Variants in VRK2 observed in about 807,000 individuals in gnomAD.
VRK2 encodes the protein serine/threonine-protein kinase VRK2.
Under a neutral mutation model 57.6 loss-of-function variants are expected in VRK2, and 60 were observed. The ratio of observed to expected loss-of-function variants is 1.04; its 90% CI spans 0.85 to 1.29. VRK2 has a LOEUF of 1.29. Among genes scored for constraint, VRK2 ranks in the 50% most tolerant of loss-of-function variants. VRK2 has a pLI of 0.00. For missense variants in VRK2, 705 were observed against 588.1 expected (o/e 1.20, Z -2.06); for synonymous variants, 231 against 199.2 (o/e 1.16, Z -1.35).
rs551735065 is a variant in VRK2 at position 57,994,245 on chromosome 2, C to G, written c.-438-31420C>G. On this transcript the variant is annotated intron_variant, in intron 1 of 15. Coordinates refer to the VRK2 transcript ENST00000417641. ...TAGCTTTCTGGGAAGAAAATAAAAT[C>G]TGTAACTTTGCCAGGAGAACAGCCT... Among the ~76,000 whole-genome samples the G allele has an allele frequency of 1.7e-4, 26 of 152,252 alleles. No individual in the cohort carries two copies. The South Asian group carries it at 5.0e-3, about 29-fold the overall frequency.
Position 58,084,171 on chromosome 2 carries a change from A to T in VRK2, c.186+33A>T, listed in dbSNP as rs369968720. On this transcript the variant is annotated intron_variant, in intron 3 of 12. Coordinates refer to ENST00000340157, the MANE Select transcript of VRK2 (RefSeq NM_006296.7). The stretch of plus-strand genomic sequence containing the variant: ...TTGCTCATAGATTTGTATTTCACAT[A>T]TATTTGACTTTTTCCTTTTCTGCTT... 18 of 1,565,446 alleles carry T rather than the reference A, an allele frequency of 1.1e-5. No individual in the cohort carries two copies. The African/African-American group carries it at 2.4e-4, about 21-fold the overall frequency.
chr2:57,983,904 T>C (rs1208489224), intron 1 of VRK2, among the ~76,000 whole-genome samples: 1 of 152,152 alleles, frequency 6.6e-6, no homozygotes, highest in Non-Finnish European at 1.5e-5. Context: ...CAATCAAAGA[T>C]AAAGTCATCA....
At chr2:57,977,072 T>C (rs972074298) in intron 1 of VRK2, among the ~76,000 whole-genome samples, 1 of 152,178 alleles carries the variant, frequency 6.6e-6, no homozygotes, top group Non-Finnish European at 1.5e-5. Flanking sequence ...CATTGGTCTA[T>C]ATGTCTGTTT....
intron 2 of VRK2, among the ~76,000 whole-genome samples, chr2:58,073,499 T>C (rs1184929277): frequency 6.6e-6 from 1 of 151,896 alleles, no homozygotes; most frequent in Non-Finnish European, 1.5e-5. Context: ...TGGTAGTATA[T>C]ACACACTAAG....
intron 2 of VRK2, among the ~76,000 whole-genome samples, chr2:58,060,131 A>G (rs1460140704): frequency 6.6e-6 from 1 of 151,822 alleles, no homozygotes; most frequent in Non-Finnish European, 1.5e-5. Context: ...AACAACAACA[A>G]CAAAAAAATC....
intron 1 of VRK2, among the ~76,000 whole-genome samples, chr2:57,987,064 A>T (rs1672618826): frequency 6.6e-6 from 1 of 152,356 alleles, no homozygotes; most frequent in African/African-American, 2.4e-5. Context: ...ATCCAAACGG[A>T]TGACAGACAT....
intron 1 of VRK2, among the ~76,000 whole-genome samples, chr2:57,910,783 A>G (rs957853202): frequency 6.6e-6 from 1 of 152,174 alleles, no homozygotes; most frequent in Non-Finnish European, 1.5e-5. Context: ...AGCCAATACT[A>G]CAGAAAAGGA....
At position 58,123,097 on chromosome 2, in the gene VRK2, C is replaced by T. The variant is rs1232807921; in HGVS notation, c.544-4C>T. Reference sequence around the variant, plus strand: ...TTATTCATTTGTCTGTGCTTGTCTTCCAGGTTTATCTTGCAGATTATGGAC... The same window carrying T: ...TTATTCATTTGTCTGTGCTTGTCTTTCAGGTTTATCTTGCAGATTATGGAC... On this transcript the variant is annotated splice_region_variant and splice_polypyrimidine_tract_variant and intron_variant, in intron 7 of 12. Coordinates refer to ENST00000340157, the MANE Select transcript of VRK2 (RefSeq NM_006296.7). 3 of 1,596,284 alleles carry T rather than the reference C, an allele frequency of 1.9e-6. No individual in the cohort carries two copies. Among genetic ancestry groups the T allele is most frequent in the Non-Finnish European group, 2.6e-6 (3 of 1,175,048 alleles).
chr2:58,064,460 A>G (rs908812099), intron 2 of VRK2, among the ~76,000 whole-genome samples: 2 of 152,094 alleles, frequency 1.3e-5, no homozygotes, highest in Non-Finnish European at 2.9e-5. Context: ...GATTGCTAAA[A>G]TTTTTTTAGC....
Position 58,086,416 on chromosome 2 carries a change from A to AAGGG in VRK2, c.336_339dup (p.Arg114GlyfsTer27). The AAGGG allele has an allele frequency of 6.3e-7, 1 of 1,591,888 alleles. No homozygotes were observed. The highest frequency in any genetic ancestry group is 8.5e-7 in the Non-Finnish European group (1 of 1,172,644). ...TTATGGATCTGGTCTGACTGAATTC[A>AAGGG]AGGGAAGAAGGTAAAATGGAATTAT... On this transcript the variant is annotated frameshift_variant, in exon 5 of 13. Transcript: ENST00000340157. LOFTEE classifies it high-confidence loss of function.
chr2:58,065,503 A>T (rs1050703904), intron 2 of VRK2, among the ~76,000 whole-genome samples: 1 of 152,092 alleles, frequency 6.6e-6, no homozygotes, highest in Non-Finnish European at 1.5e-5. Context: ...AATGTATCAC[A>T]GTTTGTGTAT....
intron 8 of VRK2, among the ~76,000 whole-genome samples, chr2:58,130,086 A>C (rs1050444576): frequency 2.6e-5 from 4 of 152,198 alleles, no homozygotes; most frequent in African/African-American, 9.6e-5. Context: ...GTCATTACTT[A>C]CAGCTTCATA....
intron 1 of VRK2, among the ~76,000 whole-genome samples, chr2:58,018,715 A>G (rs954352680): frequency 1.3e-5 from 2 of 152,220 alleles, no homozygotes; most frequent in African/African-American, 4.8e-5. Context: ...GTAGCGATAC[A>G]GTATGGCTAA....
At chr2:57,966,498 G>C (rs960890423) in intron 1 of VRK2, among the ~76,000 whole-genome samples, 57 of 152,242 alleles carry the variant, frequency 3.7e-4, no homozygotes, top group African/African-American at 1.3e-3. Context: ...CATATGTCCA[G>C]TTCCAAAATA....
chr2:58,093,264 G>A (rs1273426219), intron 7 of VRK2, among the ~76,000 whole-genome samples: 11 of 152,180 alleles, frequency 7.2e-5, no homozygotes, highest in Admixed American at 7.2e-4. Flanking sequence ...GGTTGAACTA[G>A]TTTACAGTCC....
intron 1 of VRK2, among the ~76,000 whole-genome samples, chr2:57,954,478 CTAA>C (rs1671520767): frequency 6.6e-6 from 1 of 152,056 alleles, no homozygotes; most frequent in Admixed American, 6.6e-5. Context: ...TCCTACCAGT[CTAA>C]TGTTTTCTTT....
chr2:58,016,817 T>A (rs1291358964), intron 1 of VRK2, among the ~76,000 whole-genome samples: 1 of 152,208 alleles, frequency 6.6e-6, no homozygotes, highest in African/African-American at 2.4e-5. Flanking sequence ...TAAATCTGTT[T>A]TTATTTATCC....
intron 8 of VRK2, among the ~76,000 whole-genome samples, chr2:58,125,716 TATAA>T (rs1221729438): frequency 6.6e-6 from 1 of 152,114 alleles, no homozygotes; most frequent in Non-Finnish European, 1.5e-5. Flanking sequence ...TAGATACAGA[TATAA>T]ATATAGATAT....
chr2:58,035,472 G>C (rs191384694), intron 3 of VRK2, among the ~76,000 whole-genome samples: 1 of 152,024 alleles, frequency 6.6e-6, no homozygotes, highest in East Asian at 1.9e-4. Flanking sequence ...TATGTAGCAT[G>C]AATTATTCTG....
Sources: allele counts gnomAD v4.1 joint callset (sites outside exome capture counted in the v4.1 genomes callset), GRCh38; gene constraint gnomAD v4.1.1; transcripts MANE v1.5; gene names NCBI Gene and HGNC (gene_info 2026-07-23, HGNC 2026-07-21).